The following HDAC9 variants were observed in gnomAD, a reference collection of about 807,000 sequenced individuals.
HDAC9 encodes histone deacetylase 9.
Under a neutral mutation model 139.4 loss-of-function variants are expected in HDAC9, and 41 were observed. The ratio of observed to expected loss-of-function variants is 0.29; its 90% CI spans 0.23 to 0.38. The LOEUF is 0.38. Ranked by LOEUF, HDAC9 falls within the 10% of genes least tolerant of loss-of-function variation. The pLI, the probability that HDAC9 is intolerant of heterozygous loss-of-function variation, is 1.00. For synonymous variants in HDAC9, 517 were observed against 476.2 expected (o/e 1.09, Z -1.12); for missense variants, 1,147 against 1,297.0 (o/e 0.88, Z 1.78).
intron 17 of HDAC9, among the ~76,000 whole-genome samples, chr7:18,793,886 T>C (rs1247983205): frequency 6.6e-6 from 1 of 151,510 alleles, no homozygotes; most frequent in East Asian, 1.9e-4. Flanking sequence ...ACGGGAAGGA[T>C]TGGGAGGAGG....
At chr7:18,823,270 G>C (rs374754703) in intron 17 of HDAC9, among the ~76,000 whole-genome samples, 52 of 152,314 alleles carry the variant, frequency 3.4e-4, no homozygotes, top group African/African-American at 1.3e-3. Context: ...ATCAGCAAAG[G>C]GTAAGGAATG....
At chr7:18,853,819 T>G (rs1282800172) in intron 21 of HDAC9, among the ~76,000 whole-genome samples, 1 of 152,172 alleles carries the variant, frequency 6.6e-6, no homozygotes, top group African/African-American at 2.4e-5. Context: ...ATTAGCCAAA[T>G]GAATACATTT....
intron 11 of HDAC9, among the ~76,000 whole-genome samples, chr7:18,652,544 A>G (rs949503348): frequency 3.9e-5 from 6 of 152,066 alleles, no homozygotes; most frequent in African/African-American, 9.7e-5. Flanking sequence ...TATATAGAAA[A>G]TTTTCAAAAT....
intron 1 of HDAC9, among the ~76,000 whole-genome samples, chr7:18,456,543 G>T (rs1793369605): frequency 6.6e-6 from 1 of 152,162 alleles, no homozygotes; most frequent in East Asian, 1.9e-4. Flanking sequence ...CCCACCTTTA[G>T]TTTTTGAGCT....
intron 16 of HDAC9, 148 bp downstream of exon 16, chr7:18,767,303 C>T (rs1562926860): frequency 6.2e-6 from 3 of 481,016 alleles, no homozygotes; most frequent in African/African-American, 2.0e-5. Context: ...GAGCTAAGTG[C>T]CAAGTAAAAA....
chr7:18,975,092 C>G (rs922810600), intron 24 of HDAC9, among the ~76,000 whole-genome samples: 13 of 152,204 alleles, frequency 8.5e-5, no homozygotes, highest in African/African-American at 3.1e-4. Flanking sequence ...ATTAACTATG[C>G]TCTTTCATAT....
chr7:18,694,088 C>T (rs779475389), intron 12 of HDAC9, among the ~76,000 whole-genome samples: 3 of 152,126 alleles, frequency 2.0e-5, no homozygotes, highest in Non-Finnish European at 2.9e-5. Flanking sequence ...GAAAACAGCA[C>T]TAAGTCAAGC....
intron 8 of HDAC9, among the ~76,000 whole-genome samples, chr7:18,639,279 G>A (rs549417461): frequency 6.6e-6 from 1 of 151,222 alleles, no homozygotes; most frequent in South Asian, 2.1e-4. Flanking sequence ...TAGAGCTGTG[G>A]TTTTAGATAG....
chr7:18,380,708 C>G (rs1785358164), intron 1 of HDAC9, among the ~76,000 whole-genome samples: 1 of 152,172 alleles, frequency 6.6e-6, no homozygotes. Flanking sequence ...ACCAAACACA[C>G]CAAACATCAA....
At chr7:18,614,005 A>G (rs901456147) in intron 6 of HDAC9, among the ~76,000 whole-genome samples, 2 of 152,066 alleles carry the variant, frequency 1.3e-5, no homozygotes, top group African/African-American at 4.8e-5. Flanking sequence ...TGTCTCTTCT[A>G]TTTTTTTAAC....
chr7:18,711,335 G>A (rs1784331304), intron 12 of HDAC9, among the ~76,000 whole-genome samples: 1 of 152,084 alleles, frequency 6.6e-6, no homozygotes, highest in Non-Finnish European at 1.5e-5. Flanking sequence ...TGCAACTCTG[G>A]TTCCGGCTGC....
chr7:18,886,089 A>G (rs1369336695), intron 22 of HDAC9, among the ~76,000 whole-genome samples: 1 of 152,190 alleles, frequency 6.6e-6, no homozygotes, highest in Non-Finnish European at 1.5e-5. Flanking sequence ...TAAAAACACA[A>G]ATTTGAGAAT....
At chr7:18,512,686 A>G (rs1801913176) in intron 2 of HDAC9, among the ~76,000 whole-genome samples, 1 of 152,172 alleles carries the variant, frequency 6.6e-6, no homozygotes, top group Non-Finnish European at 1.5e-5. Flanking sequence ...TAACCATTCG[A>G]TTTCCCACCT....
intron 2 of HDAC9, among the ~76,000 whole-genome samples, chr7:18,509,657 A>T (rs1800863193): frequency 6.6e-6 from 1 of 152,174 alleles, no homozygotes; most frequent in Non-Finnish European, 1.5e-5. Context: ...AAATTCTCTT[A>T]CAAGCCCAAT....
chr7:18,261,476 A>G (rs1279259004), intron 2 of HDAC9, among the ~76,000 whole-genome samples: 1 of 152,160 alleles, frequency 6.6e-6, no homozygotes, highest in Non-Finnish European at 1.5e-5. Context: ...AGTTCAGTCC[A>G]TTGGGCCAGT....
chr7:18,613,941 C>T (rs992448247), intron 6 of HDAC9, among the ~76,000 whole-genome samples: 1 of 152,096 alleles, frequency 6.6e-6, no homozygotes, highest in African/African-American at 2.4e-5. Flanking sequence ...CCACCGCGTC[C>T]TTTAAATATG....
chr7:18,702,198 C>A (rs1403145952), intron 12 of HDAC9, among the ~76,000 whole-genome samples: 3 of 152,162 alleles, frequency 2.0e-5, no homozygotes, highest in Non-Finnish European at 4.4e-5. Context: ...TTGTTTGCTC[C>A]TCTCTCCAAT....
intron 12 of HDAC9, among the ~76,000 whole-genome samples, chr7:18,680,164 G>A (rs1014400037): frequency 2.6e-5 from 4 of 151,960 alleles, no homozygotes; most frequent in Non-Finnish European, 5.9e-5. Context: ...TTGACCAAAA[G>A]CCTAGAACTG....
At chr7:18,635,733 A>G (rs1281151633) in intron 8 of HDAC9, among the ~76,000 whole-genome samples, 1 of 152,066 alleles carries the variant, frequency 6.6e-6, no homozygotes, top group Non-Finnish European at 1.5e-5. Flanking sequence ...TTATAGAGTC[A>G]TGGTACCTTG....
Sources: gnomAD v4.1 joint callset for allele counts (sites outside exome capture counted in the v4.1 genomes callset) on GRCh38, gnomAD v4.1.1 for gene constraint, MANE v1.5 for transcripts, NCBI Gene and HGNC (gene_info 2026-07-23, HGNC 2026-07-21) for gene names.